GASK1A: variants seen among roughly 807,000 people sequenced by gnomAD.
GASK1A encodes the protein Golgi-associated kinase 1A.
A neutral mutation model predicts 41.2 loss-of-function variants in GASK1A; 40 were observed. The ratio of observed to expected loss-of-function variants is 0.97; its 90% CI spans 0.75 to 1.27. The LOEUF (loss-of-function observed/expected upper bound fraction) is 1.27. Among genes scored for constraint, GASK1A ranks in the 50% most tolerant of loss-of-function variants. GASK1A has a pLI of 0.00. For missense variants in GASK1A, 678 were observed against 745.1 expected (o/e 0.91, Z 1.05); for synonymous variants, 316 against 307.1 (o/e 1.03, Z -0.30).
intron 1 of GASK1A, among the ~76,000 whole-genome samples, chr3:43,030,776 A>G (rs1345446231): frequency 2.0e-5 from 3 of 152,126 alleles, no homozygotes; most frequent in Admixed American, 2.0e-4. Context: ...GGATGGCCCC[A>G]TCAGCTTAGG....
At chr3:43,047,945 T>G (rs1173265324) in intron 2 of GASK1A, among the ~76,000 whole-genome samples, 1 of 152,166 alleles carries the variant, frequency 6.6e-6, no homozygotes, top group East Asian at 1.9e-4. Flanking sequence ...CCCATTGGTA[T>G]AGTAGCTTAC....
chr3:42,993,910 A>G (rs1407669374), intron 1 of GASK1A, among the ~76,000 whole-genome samples: 2 of 152,234 alleles, frequency 1.3e-5, no homozygotes, highest in African/African-American at 4.8e-5. Flanking sequence ...TAGCTGTCTC[A>G]TTCATTATCT....
At chr3:42,983,855 A>G (rs1345908462) in intron 1 of GASK1A, among the ~76,000 whole-genome samples, 1 of 152,138 alleles carries the variant, frequency 6.6e-6, no homozygotes, top group Non-Finnish European at 1.5e-5. Flanking sequence ...ACCATACCAA[A>G]CAGAGGTTGA....
chr3:43,021,603 A>G (rs1252198878), intron 1 of GASK1A, among the ~76,000 whole-genome samples: 1 of 152,078 alleles, frequency 6.6e-6, no homozygotes, highest in Non-Finnish European at 1.5e-5. Context: ...AATATACCCA[A>G]CCATGTAGTG....
At chr3:43,014,899 C>G (rs1378463779) in intron 1 of GASK1A, among the ~76,000 whole-genome samples, 1 of 150,876 alleles carries the variant, frequency 6.6e-6, no homozygotes, top group Non-Finnish European at 1.5e-5. Context: ...CAGGAAGAGG[C>G]TGTTTTACGC....
intron 2 of GASK1A, among the ~76,000 whole-genome samples, chr3:43,052,180 A>G (rs1379652703): frequency 6.6e-6 from 1 of 152,170 alleles, no homozygotes; most frequent in Non-Finnish European, 1.5e-5. Flanking sequence ...ACAAATCCCA[A>G]GGAGTAGATG....
At chr3:43,016,097 T>G (rs1254631134) in intron 1 of GASK1A, among the ~76,000 whole-genome samples, 1 of 146,586 alleles carries the variant, frequency 6.8e-6, no homozygotes, top group African/African-American at 2.5e-5. Context: ...CAATGTGAGG[T>G]CACAGGAAGG....
At chr3:42,999,768 C>A (rs1212294272) in intron 1 of GASK1A, among the ~76,000 whole-genome samples, 1 of 152,222 alleles carries the variant, frequency 6.6e-6, no homozygotes, top group Non-Finnish European at 1.5e-5. Flanking sequence ...TTTCACTGGA[C>A]TAAACTCAAG....
At position 43,033,177 on chromosome 3, in the gene GASK1A, C is replaced by G. The variant is rs1328433355; in HGVS notation, c.914C>G (p.Ser305Cys). 2 of 1,551,150 alleles carry G rather than the reference C, an allele frequency of 1.3e-6. No individual in the cohort carries two copies. Among genetic ancestry groups the G allele is most frequent in the Non-Finnish European group, 1.7e-6 (2 of 1,146,608 alleles). ...GAGGCTGCCCTTCAGGACCTGTCCT[C>G]TCCCAGGCTCAGCCAACTCTGTTCC... is the stretch of plus-strand genomic sequence containing the variant. ...STEAALQDLS[S>C]PRLSQLCSQG... Residue 305 changes from serine (S) to cysteine (C), a missense_variant, in exon 2 of 5, where the codon TCT becomes TGT. Transcript: ENST00000430121.
At chr3:43,043,625 G>A (rs1302377447) in intron 2 of GASK1A, among the ~76,000 whole-genome samples, 1 of 152,174 alleles carries the variant, frequency 6.6e-6, no homozygotes, top group African/African-American at 2.4e-5. Flanking sequence ...TCTCTTGGCT[G>A]CTAGCAGGGG....
chr3:43,046,741 C>T (rs1182413587), intron 2 of GASK1A, among the ~76,000 whole-genome samples: 1 of 152,152 alleles, frequency 6.6e-6, no homozygotes, highest in Non-Finnish European at 1.5e-5. Flanking sequence ...GTCCAAAGGC[C>T]TGGGAGGAGG....
intron 1 of GASK1A, among the ~76,000 whole-genome samples, chr3:43,003,122 G>A (rs1296384522): frequency 1.3e-5 from 2 of 152,044 alleles, no homozygotes; most frequent in East Asian, 1.9e-4. Context: ...ACTTTACTTG[G>A]TCCCATAATC....
At chr3:43,029,571 G>A (rs886351194) in intron 1 of GASK1A, among the ~76,000 whole-genome samples, 1 of 152,028 alleles carries the variant, frequency 6.6e-6, no homozygotes, top group Non-Finnish European at 1.5e-5. Context: ...GAGGGAGCTG[G>A]TCCAGAGAGT....
chr3:43,042,920 G>A (rs1014731925), intron 2 of GASK1A, among the ~76,000 whole-genome samples: 1 of 152,172 alleles, frequency 6.6e-6, no homozygotes. Context: ...GAAAGGCAAG[G>A]AGCACAGCAA....
intron 2 of GASK1A, among the ~76,000 whole-genome samples, chr3:43,043,707 A>T (rs1287739212): frequency 6.6e-6 from 1 of 152,232 alleles, no homozygotes; most frequent in Admixed American, 6.5e-5. Flanking sequence ...CAATGGCTTA[A>T]CTAAATTTAA....
intron 2 of GASK1A, among the ~76,000 whole-genome samples, chr3:43,051,718 T>C (rs1196821420): frequency 6.6e-6 from 1 of 152,218 alleles, no homozygotes; most frequent in African/African-American, 2.4e-5. Flanking sequence ...ACAAATGTCC[T>C]CTACCCTTCC....
At chr3:43,016,044 C>G (rs2089489403) in intron 1 of GASK1A, among the ~76,000 whole-genome samples, 1 of 150,420 alleles carries the variant, frequency 6.6e-6, no homozygotes, top group Non-Finnish European at 1.5e-5. Context: ...CAGGGAGGGG[C>G]TCTGTGAAGT....
intron 1 of GASK1A, among the ~76,000 whole-genome samples, chr3:42,987,010 G>A (rs1443122438): frequency 1.3e-5 from 2 of 152,200 alleles, no homozygotes; most frequent in Non-Finnish European, 2.9e-5. Context: ...AGCTTTTGGT[G>A]TTTCTTTTCT....
At chr3:43,006,613 T>C (rs964949991) in intron 1 of GASK1A, among the ~76,000 whole-genome samples, 1 of 152,186 alleles carries the variant, frequency 6.6e-6, no homozygotes, top group African/African-American at 2.4e-5. Context: ...TTTCTCCCTT[T>C]CTCTCTGGAA....
Sources: gnomAD v4.1 joint callset for allele counts (sites outside exome capture counted in the v4.1 genomes callset) on GRCh38, gnomAD v4.1.1 for gene constraint, MANE v1.5 for transcripts, NCBI Gene and HGNC (gene_info 2026-07-23, HGNC 2026-07-21) for gene names.